TNPO1: variants seen among roughly 807,000 people sequenced by gnomAD.
TNPO1 encodes the protein transportin-1.
TNPO1 carries 8 observed loss-of-function variants against 119.5 expected under a neutral mutation model. The observed-to-expected ratio is 0.07, with a 90% CI of 0.04 to 0.12. The LOEUF (loss-of-function observed/expected upper bound fraction) is 0.12. Ranked by LOEUF, TNPO1 falls within the 10% of genes least tolerant of loss-of-function variation. The pLI is 1.00. For missense variants in TNPO1, 576 were observed against 1,089.8 expected, an observed-to-expected ratio of 0.53 and a Z score of 6.64; for synonymous variants, 362 against 363.0, an observed-to-expected ratio of 1.00 and a Z score of 0.03.
chr5:72,884,730 T>A (rs2112428086), intron 11 of TNPO1, among the ~76,000 whole-genome samples: 1 of 152,266 alleles, frequency 6.6e-6, no homozygotes, highest in Non-Finnish European at 1.5e-5. Context: ...TTGGCACTAT[T>A]GGCATTTTGG....
chr5:72,898,887 C>T (rs1241193838), intron 20 of TNPO1, among the ~76,000 whole-genome samples: 1 of 152,082 alleles, frequency 6.6e-6, no homozygotes, highest in Non-Finnish European at 1.5e-5. Flanking sequence ...CTTTACCCCC[C>T]ACCCTTTTTT....
intron 1 of TNPO1, among the ~76,000 whole-genome samples, chr5:72,821,040 T>A (rs1743934723): frequency 1.3e-5 from 2 of 152,104 alleles, no homozygotes; most frequent in Non-Finnish European, 1.5e-5. Flanking sequence ...AAAAGGCCCG[T>A]AAGTGCTAAA....
intron 6 of TNPO1, among the ~76,000 whole-genome samples, chr5:72,866,749 G>A (rs1453423973): frequency 1.3e-5 from 2 of 152,036 alleles, no homozygotes; most frequent in African/African-American, 4.8e-5. Flanking sequence ...ATGAGACCTT[G>A]TCTCAAAAAA....
chr5:72,844,551 A>C (rs898261199), intron 1 of TNPO1, among the ~76,000 whole-genome samples: 3 of 152,244 alleles, frequency 2.0e-5, no homozygotes, highest in Non-Finnish European at 2.9e-5. Flanking sequence ...TCTTCCATGA[A>C]AAGAAGTTAG....
chr5:72,841,251 G>A (rs1331701220), intron 1 of TNPO1, among the ~76,000 whole-genome samples: 1 of 151,846 alleles, frequency 6.6e-6, no homozygotes, highest in Non-Finnish European at 1.5e-5. Flanking sequence ...CTCCCTAGTA[G>A]GGATTACAGG....
intron 6 of TNPO1, 128 bp from the exon 7 acceptor site, chr5:72,872,511 G>T: frequency 1.8e-6 from 1 of 570,354 alleles, no homozygotes; most frequent in Non-Finnish European, 3.0e-6. Context: ...GAAGTTTGAC[G>T]TATTCTTTTT....
chr5:72,851,143 C>A, intron 2 of TNPO1, 101 bp from the exon 3 acceptor site: 1 of 724,642 alleles, frequency 1.4e-6, no homozygotes, highest in Non-Finnish European at 2.3e-6. Context: ...AAACGCAGGA[C>A]TGAAAATACC....
intron 20 of TNPO1, 144 bp downstream of exon 20, chr5:72,897,295 A>G: frequency 1.7e-6 from 1 of 596,520 alleles, no homozygotes; most frequent in Non-Finnish European, 3.0e-6. Flanking sequence ...CAGTAATGAA[A>G]TAGACTGTTG....
intron 5 of TNPO1, among the ~76,000 whole-genome samples, chr5:72,864,362 A>G (rs1194345087): frequency 1.3e-5 from 2 of 152,192 alleles, no homozygotes; most frequent in Non-Finnish European, 2.9e-5. Flanking sequence ...TTAAAACTGT[A>G]CTATGGAGAA....
chr5:72,844,130 G>C (rs1745029925), intron 1 of TNPO1, among the ~76,000 whole-genome samples: 1 of 152,114 alleles, frequency 6.6e-6, no homozygotes, highest in Non-Finnish European at 1.5e-5. Flanking sequence ...CTGCTCTCAA[G>C]GAACTTGTGA....
At position 72,914,205 on chromosome 5, in the gene TNPO1, G is replaced by A. The variant is rs752934537; in HGVS notation, c.*5532G>A. On this transcript the variant is annotated 3_prime_UTR_variant, in exon 25 of 25. Coordinates refer to ENST00000337273, the MANE Select transcript of TNPO1 (RefSeq NM_002270.4). ...CAGATCTCCATTTTAAATAGAATAC[G>A]GTTTTAATTTTTGATAAGCTGCTGA... 2.6e-5 allele frequency: 4 copies of A among 152,492 alleles called. No homozygotes were observed. The highest frequency in any genetic ancestry group is 4.4e-5 in the Non-Finnish European group (3 of 67,984). The allele number at this position is 152,492 out of a possible 1,614,324, so 9.4% of individuals were successfully genotyped here.
intron 1 of TNPO1, among the ~76,000 whole-genome samples, chr5:72,817,819 A>G (rs1376080051): frequency 6.6e-6 from 1 of 152,234 alleles, no homozygotes; most frequent in Non-Finnish European, 1.5e-5. Context: ...TAGAATAACA[A>G]AAGTTCCTGC....
At chr5:72,865,491 TG>T in intron 5 of TNPO1, 104 bp from the exon 6 acceptor site, 1 of 1,259,348 alleles carries the variant, frequency 7.9e-7, no homozygotes, top group Non-Finnish European at 1.1e-6. Flanking sequence ...GCATTTTATG[TG>T]GGCTGAGAAC....
chr5:72,886,003 T>A (rs967909875), intron 11 of TNPO1, among the ~76,000 whole-genome samples: 8 of 152,112 alleles, frequency 5.3e-5, no homozygotes, highest in Non-Finnish European at 1.2e-4. Context: ...AACCCACTCC[T>A]ACAGTAACGA....
At chr5:72,857,292 T>G (rs574878459) in intron 4 of TNPO1, among the ~76,000 whole-genome samples, 202 of 150,940 alleles carry the variant, frequency 1.3e-3, no homozygotes, top group Non-Finnish European at 9.7e-4. Context: ...CACTGCAGCC[T>G]GGGTGACGAG....
At chr5:72,892,752 C>A (rs2112460408) in intron 15 of TNPO1, among the ~76,000 whole-genome samples, 1 of 152,116 alleles carries the variant, frequency 6.6e-6, no homozygotes, top group South Asian at 2.1e-4. Context: ...TACAGAGGGC[C>A]AACTGTATAT....
rs757419285 is a variant in TNPO1, at chr5:72,877,322, A to G, written c.896A>G (p.Asp299Gly). 6.2e-7 allele frequency: 1 copy of G among 1,608,060 alleles called. No homozygotes were observed. The highest frequency in any genetic ancestry group is 8.5e-7 in the Non-Finnish European group (1 of 1,175,536). ...LTLAEQPICK[D>G]VLVRHLPKLI... ...TTAGCTGAACAGCCAATATGCAAAG[A>G]TGTACTCGTAAGGCATCTTCCTAAG... The change falls in exon 9 of 25, where the codon GAT becomes GGT. Residue 299 changes from aspartate to glycine, a missense_variant. By Grantham distance (94) the Asp-to-Gly change is moderately conservative. Around this residue, in one of 6 missense-constraint regions of TNPO1, gnomAD observed 310 missense variants for 583.0 expected, o/e 0.53. Transcript: ENST00000337273.
chr5:72,877,895 C>G (rs538526083), intron 9 of TNPO1, among the ~76,000 whole-genome samples: 54 of 152,140 alleles, frequency 3.5e-4, no homozygotes, highest in African/African-American at 1.3e-3. Flanking sequence ...GTACCGTATA[C>G]TAAATAGCAT....
Position 72,911,974 on chromosome 5 carries a change from C to T in TNPO1, c.*3301C>T, listed in dbSNP as rs1320800847. ...ATGTTTGGCAGTTCCATGTTACAGTCCATTAGCGAGTGAACTTAGTGCCAC... is the reference window on the plus strand; with the variant it reads ...ATGTTTGGCAGTTCCATGTTACAGTTCATTAGCGAGTGAACTTAGTGCCAC... On this transcript the variant is annotated 3_prime_UTR_variant, in exon 25 of 25. Coordinates refer to ENST00000337273, the MANE Select transcript of TNPO1 (RefSeq NM_002270.4). 1.3e-5 allele frequency: 2 copies of T among 152,392 alleles called. No homozygotes were observed. The highest frequency in any genetic ancestry group is 1.3e-4 in the Admixed American group (2 of 15,262). The allele number at this position is 152,392 out of a possible 1,614,324, so 9.4% of individuals were successfully genotyped here.
Sources: gnomAD v4.1 joint callset for allele counts (sites outside exome capture counted in the v4.1 genomes callset) on GRCh38, gnomAD v4.1.1 for gene constraint, gnomAD v4.1.1 regional missense constraint, MANE v1.5 for transcripts, NCBI Gene and HGNC (gene_info 2026-07-23, HGNC 2026-07-21) for gene names.